The following NVL variants were observed in gnomAD, a reference collection of about 807,000 sequenced individuals.
NVL encodes the protein nuclear VCP like.
A neutral mutation model predicts 110.2 loss-of-function variants in NVL; 84 were observed. The ratio of observed to expected loss-of-function variants is 0.76; its 90% CI spans 0.64 to 0.91. The LOEUF (loss-of-function observed/expected upper bound fraction) is 0.91, where lower values mean the gene tolerates loss of function less well. Ranked by LOEUF, NVL falls within the 40% of genes least tolerant of loss-of-function variation. The pLI is 0.00. For missense variants in NVL, 882 were observed against 1,035.9 expected (o/e 0.85, Z 2.04); for synonymous variants, 354 against 361.1 (o/e 0.98, Z 0.22).
chr1:224,291,895 A>G (rs529425811), intron 12 of NVL, among the ~76,000 whole-genome samples: 5 of 152,336 alleles, frequency 3.3e-5, no homozygotes, highest in African/African-American at 1.2e-4. Flanking sequence ...TTTGGTCATC[A>G]TACTGTAGAA....
intron 2 of NVL, among the ~76,000 whole-genome samples, chr1:224,325,755 C>G (rs1467458958): frequency 5.3e-5 from 8 of 152,154 alleles, no homozygotes; most frequent in Non-Finnish European, 7.4e-5. Flanking sequence ...AGTCAGGAAA[C>G]TCAGGGAGAT....
intron 17 of NVL, among the ~76,000 whole-genome samples, chr1:224,271,651 CTCTT>C (rs1571901489): frequency 1.3e-5 from 2 of 152,080 alleles, no homozygotes; most frequent in East Asian, 3.8e-4. Context: ...GAAATTTACT[CTCTT>C]TATACTTGTG....
intron 2 of NVL, among the ~76,000 whole-genome samples, chr1:224,324,522 G>C (rs1464216941): frequency 1.3e-5 from 2 of 152,180 alleles, no homozygotes; most frequent in Non-Finnish European, 2.9e-5. Flanking sequence ...TTGAACTCCT[G>C]GGCTCAAGCG....
chr1:224,229,016 C>A (rs1304102719), intron 22 of NVL, among the ~76,000 whole-genome samples: 1 of 151,178 alleles, frequency 6.6e-6, no homozygotes, highest in Non-Finnish European at 1.5e-5. Flanking sequence ...GAGTTCCAGG[C>A]CAGGCGTGGT....
In NVL at chr1:224,234,508, A is replaced by C. The variant is rs866756749; in HGVS notation, c.2367-1219T>G. The stretch of plus-strand genomic sequence containing the variant: ...TGCTCTGTCACCGAGGCTGGAGTGC[A>C]GTGGTGTGATCTTGGCTCACCGCAA... On this transcript the variant is annotated intron_variant, in intron 20 of 22. Coordinates refer to ENST00000281701, the MANE Select transcript of NVL (RefSeq NM_002533.4). 6.6e-5 allele frequency among the ~76,000 whole-genome samples: 10 copies of C among 151,318 alleles called. No individual in the cohort carries two copies. The South Asian group carries it at 8.3e-4, about 13-fold the overall frequency.
intron 18 of NVL, among the ~76,000 whole-genome samples, chr1:224,255,546 T>C (rs1663120206): frequency 6.6e-6 from 1 of 152,204 alleles, no homozygotes; most frequent in Admixed American, 6.5e-5. Flanking sequence ...AAATATTTTC[T>C]CCTAGTCTGT....
intron 18 of NVL, among the ~76,000 whole-genome samples, chr1:224,256,604 T>C (rs888710458): frequency 2.6e-5 from 4 of 152,168 alleles, no homozygotes; most frequent in African/African-American, 9.7e-5. Context: ...TTATGCAGTT[T>C]ATTATTTTAA....
At chr1:224,273,562 T>C (rs1295915463) in intron 17 of NVL, among the ~76,000 whole-genome samples, 1 of 152,120 alleles carries the variant, frequency 6.6e-6, no homozygotes, top group East Asian at 1.9e-4. Context: ...GCTACAGACT[T>C]CTTTGAGGGC....
At chr1:224,318,006 CA>C in intron 2 of NVL, 76 bp from the exon 3 acceptor site, 1 of 1,006,582 alleles carries the variant, frequency 9.9e-7, no homozygotes, top group Non-Finnish European at 1.5e-6. Flanking sequence ...CTAAATGGAT[CA>C]AATAAATTTT....
At chr1:224,228,367 C>T (rs1340884488) in intron 22 of NVL, among the ~76,000 whole-genome samples, 1 of 152,034 alleles carries the variant, frequency 6.6e-6, no homozygotes, top group African/African-American at 2.4e-5. Flanking sequence ...TGCAGCGGTG[C>T]AATCTCGGCT....
chr1:224,310,015 C>CGA lies in NVL; in HGVS notation c.343-1754_343-1753dup, dbSNP rs200774212. ...CTGAACTCCAGCCTGGGTGACAGAGCGAGACCCTGCCTGTAATTCCAGCTC... is the reference window on the plus strand; with the variant it reads ...CTGAACTCCAGCCTGGGTGACAGAGCGAGAGACCCTGCCTGTAATTCCAGCTC... On this transcript the variant is annotated intron_variant, in intron 5 of 22. Coordinates refer to ENST00000281701, the MANE Select transcript of NVL (RefSeq NM_002533.4). Among the ~76,000 whole-genome samples the CGA allele has an allele frequency of 3.1e-3, 465 of 151,776 alleles. 8 individuals carry two copies. The highest frequency in any genetic ancestry group is 0.03 in the East Asian group (154 of 5,138).
intron 11 of NVL, among the ~76,000 whole-genome samples, chr1:224,295,015 A>C (rs554841359): frequency 3.0e-4 from 46 of 152,342 alleles, no homozygotes; most frequent in African/African-American, 1.0e-3. Context: ...GTTCTGGCTT[A>C]ATCTAGGAAT....
rs1161664663 is a variant in NVL at position 224,227,656 on chromosome 1, A to G, written c.2541T>C (p.Tyr847=). ...GGCTGAGGGACTCCTGCAAACGTTC[A>G]TACATGATTTGATCCTGAAAGGAGG... is the stretch of plus-strand genomic sequence containing the variant. ...SSISKKDQIM[Y]ERLQESLSR Residue 847 remains tyrosine, a synonymous_variant, in exon 23 of 23, where the codon TAT becomes TAC. Coordinates refer to ENST00000281701, the MANE Select transcript of NVL (RefSeq NM_002533.4). The G allele has an allele frequency of 6.2e-7, 1 of 1,611,454 alleles. No homozygotes were observed.
intron 15 of NVL, among the ~76,000 whole-genome samples, chr1:224,283,329 T>C (rs1666560166): frequency 6.6e-6 from 1 of 151,868 alleles, no homozygotes; most frequent in African/African-American, 2.4e-5. Context: ...CTACTAAAAA[T>C]ACAAAAAATT....
intron 11 of NVL, among the ~76,000 whole-genome samples, chr1:224,296,274 C>T (rs903477403): frequency 1.3e-5 from 2 of 152,086 alleles, no homozygotes; most frequent in Non-Finnish European, 2.9e-5. Flanking sequence ...GAGGTAGCAT[C>T]TCGCTATGTT....
At chr1:224,319,762 A>G (rs568648051) in intron 2 of NVL, among the ~76,000 whole-genome samples, 3 of 152,230 alleles carry the variant, frequency 2.0e-5, no homozygotes, top group South Asian at 4.1e-4. Context: ...TGAGTACAGG[A>G]TATTTGTATA....
intron 14 of NVL, among the ~76,000 whole-genome samples, chr1:224,286,467 A>G (rs986798244): frequency 2.6e-5 from 4 of 152,048 alleles, no homozygotes; most frequent in African/African-American, 9.7e-5. Context: ...CAGCCTCCCA[A>G]AGTGCTGGGA....
intron 12 of NVL, among the ~76,000 whole-genome samples, chr1:224,290,590 CAGG>C (rs1336568069): frequency 6.6e-6 from 1 of 152,070 alleles, no homozygotes; most frequent in East Asian, 1.9e-4. Flanking sequence ...ATCACGAGGT[CAGG>C]AGATCAAGAC....
intron 10 of NVL, among the ~76,000 whole-genome samples, chr1:224,297,023 A>G (rs914418140): frequency 1.3e-5 from 2 of 152,224 alleles, no homozygotes; most frequent in African/African-American, 4.8e-5. Context: ...AGCTCACTAG[A>G]AACGTTATGA....
Sources: gnomAD v4.1 joint callset for allele counts (sites outside exome capture counted in the v4.1 genomes callset) on GRCh38, gnomAD v4.1.1 for gene constraint, MANE v1.5 for transcripts, NCBI Gene and HGNC (gene_info 2026-07-23, HGNC 2026-07-21) for gene names.